WDR72: variants seen among roughly 807,000 people sequenced by gnomAD.
WDR72 encodes the protein WD repeat domain 72.
A neutral mutation model predicts 124.2 loss-of-function variants in WDR72; 120 were observed. The observed-to-expected ratio is 0.97, with a 90% CI of 0.83 to 1.12. The LOEUF is 1.12. Among genes scored for constraint, WDR72 ranks in the 50% most tolerant of loss-of-function variants. The pLI is 0.00. For missense variants in WDR72, 1,387 were observed against 1,278.8 expected (o/e 1.08, Z -1.29); for synonymous variants, 452 against 441.7 (o/e 1.02, Z -0.29).
chr15:53,714,443 G>A lies in WDR72; in HGVS notation c.582C>T (p.Asn194=), dbSNP rs1402040475. The A allele has an allele frequency of 1.9e-6, 3 of 1,613,434 alleles. No individual in the cohort carries two copies. The highest frequency in any genetic ancestry group is 1.7e-6 in the Non-Finnish European group (2 of 1,179,574). Residue 194 remains asparagine, a synonymous_variant, in exon 6 of 20, where the codon AAC becomes AAT. Coordinates refer to ENST00000360509, the MANE Select transcript of WDR72 (RefSeq NM_182758.4). ...LKVWDLSSSI[N]SIQEKQDVYE... ...GGGTTCCCAAGCCAACCTGAATGCT[G>A]TTGATAGATGAGGAAAGATCCCATA...
chr15:53,613,664 A>G lies in WDR72; in HGVS notation c.2872+2T>C. 6.2e-7 allele frequency: 1 copy of G among 1,603,698 alleles called. No homozygotes were observed. Among genetic ancestry groups the G allele is most frequent in the Non-Finnish European group, 8.5e-7 (1 of 1,172,154 alleles). On this transcript the variant is annotated splice_donor_variant, in intron 16 of 19. Transcript: ENST00000360509. LOFTEE classifies it high-confidence loss of function. The stretch of plus-strand genomic sequence containing the variant: ...TCATATCTGTGCCAGTAACTCTCTT[A>G]CCATTTCGTAAGCAACTGTAGAAGC...
intron 14 of WDR72, among the ~76,000 whole-genome samples, chr15:53,638,142 A>G (rs1460347130): frequency 6.6e-6 from 1 of 152,328 alleles, no homozygotes; most frequent in Middle Eastern, 3.4e-3. Flanking sequence ...CAGCTTTACT[A>G]TCAACACTTC....
At chr15:53,632,796 C>T (rs1388790677) in intron 14 of WDR72, among the ~76,000 whole-genome samples, 1 of 152,226 alleles carries the variant, frequency 6.6e-6, no homozygotes, top group Non-Finnish European at 1.5e-5. Flanking sequence ...TGCTGGGTTT[C>T]AGACTTGTAT....
chr15:53,708,306 A>G (rs968341870), intron 9 of WDR72, among the ~76,000 whole-genome samples: 6 of 152,186 alleles, frequency 3.9e-5, no homozygotes. Context: ...TGAAAGAGCA[A>G]GTTGGTTACT....
intron 18 of WDR72, among the ~76,000 whole-genome samples, chr15:53,587,443 A>G (rs12916183): frequency 0.32 from 48,456 of 151,852 alleles, 8,269 homozygotes; most frequent in Admixed American, 0.42. Context: ...ACCACAGCAT[A>G]TTATATAACA....
intron 13 of WDR72, among the ~76,000 whole-genome samples, chr15:53,695,095 C>T (rs944070406): frequency 6.6e-6 from 1 of 152,162 alleles, no homozygotes; most frequent in African/African-American, 2.4e-5. Context: ...TGTTTCTGAT[C>T]CATCTTAAGG....
intron 18 of WDR72, among the ~76,000 whole-genome samples, chr15:53,548,658 TG>T (rs1182762060): frequency 2.6e-5 from 4 of 152,010 alleles, no homozygotes; most frequent in Non-Finnish European, 4.4e-5. Context: ...TTTTTTTTTT[TG>T]GTGGGGGTTG....
chr15:53,571,315 AATTT>A (rs58011573), intron 18 of WDR72, among the ~76,000 whole-genome samples: 7,469 of 152,114 alleles, frequency 0.049, 487 homozygotes, highest in African/African-American at 0.16. Flanking sequence ...ACATACTTTG[AATTT>A]ATTTCTCTTA....
At chr15:53,655,753 C>T (rs1465120380) in intron 14 of WDR72, among the ~76,000 whole-genome samples, 1 of 151,720 alleles carries the variant, frequency 6.6e-6, no homozygotes, top group African/African-American at 2.4e-5. Flanking sequence ...CAGGCTGTGG[C>T]ACAAGCTTGG....
At chr15:53,655,017 G>A (rs2015368023) in intron 14 of WDR72, among the ~76,000 whole-genome samples, 1 of 151,936 alleles carries the variant, frequency 6.6e-6, no homozygotes, top group Non-Finnish European at 1.5e-5. Context: ...GATCACCTGA[G>A]GTCAGGAGTT....
intron 13 of WDR72, among the ~76,000 whole-genome samples, chr15:53,676,195 C>T (rs995098211): frequency 6.6e-6 from 1 of 152,158 alleles, no homozygotes; most frequent in African/African-American, 2.4e-5. Flanking sequence ...ACTGTCCTAC[C>T]TGACCACTAA....
chr15:53,584,886 A>T (rs1467417752), intron 18 of WDR72, among the ~76,000 whole-genome samples: 14 of 151,926 alleles, frequency 9.2e-5, no homozygotes, highest in Admixed American at 9.2e-4. Flanking sequence ...AACTAGTGTC[A>T]GTTGGGTCTC....
At chr15:53,755,274 T>C (rs758298746) in intron 1 of WDR72, among the ~76,000 whole-genome samples, 2 of 152,228 alleles carry the variant, frequency 1.3e-5, no homozygotes, top group Non-Finnish European at 2.9e-5. Flanking sequence ...AATGCTTACA[T>C]CCCAGTTCCT....
chr15:53,748,981 CA>C (rs2018709617), intron 1 of WDR72, among the ~76,000 whole-genome samples: 1 of 152,156 alleles, frequency 6.6e-6, no homozygotes, highest in Non-Finnish European at 1.5e-5. Flanking sequence ...TCACAGACCT[CA>C]AGGAGCTTAC....
intron 19 of WDR72, among the ~76,000 whole-genome samples, chr15:53,519,343 A>C (rs1891652364): frequency 6.6e-6 from 1 of 152,110 alleles, no homozygotes; most frequent in Non-Finnish European, 1.5e-5. Flanking sequence ...ATTCAGAAGC[A>C]ACCAGGCCTT....
intron 13 of WDR72, among the ~76,000 whole-genome samples, chr15:53,669,098 T>C (rs539808069): frequency 6.6e-6 from 1 of 152,112 alleles, no homozygotes; most frequent in African/African-American, 2.4e-5. Context: ...GGTTCTCGTG[T>C]ACTTTTCTTG....
chr15:53,729,799 C>CA (rs545511315), intron 2 of WDR72, among the ~76,000 whole-genome samples: 112 of 141,780 alleles, frequency 7.9e-4, no homozygotes, highest in East Asian at 1.6e-3. Flanking sequence ...ATGGCTATTA[C>CA]AAAAAAAAAA....
At chr15:53,551,624 A>T (rs1334080878) in intron 18 of WDR72, among the ~76,000 whole-genome samples, 1 of 152,158 alleles carries the variant, frequency 6.6e-6, no homozygotes, top group Non-Finnish European at 1.5e-5. Flanking sequence ...TATGCTATGT[A>T]AAAATTAAAC....
At chr15:53,628,936 A>G (rs2014312941) in intron 14 of WDR72, among the ~76,000 whole-genome samples, 1 of 152,202 alleles carries the variant, frequency 6.6e-6, no homozygotes, top group Non-Finnish European at 1.5e-5. Flanking sequence ...CCTGCTTACC[A>G]ACAAGTCTAT....
Sources: gnomAD v4.1 joint callset for allele counts (sites outside exome capture counted in the v4.1 genomes callset) on GRCh38, gnomAD v4.1.1 for gene constraint, MANE v1.5 for transcripts, NCBI Gene and HGNC (gene_info 2026-07-23, HGNC 2026-07-21) for gene names.